Variants in NUP35 observed in about 807,000 individuals in gnomAD.
The protein encoded by NUP35 is nucleoporin NUP35.
Under a neutral mutation model 41.5 loss-of-function variants are expected in NUP35, and 25 were observed. That is an observed-to-expected ratio of 0.60 (90% CI 0.44 to 0.84). NUP35 has a LOEUF of 0.84. Among genes scored for constraint, NUP35 ranks in the 40% least tolerant of loss-of-function variants. The pLI, the probability that NUP35 is intolerant of heterozygous loss-of-function variation, is 0.00. For synonymous variants in NUP35, 149 were observed against 130.7 expected (o/e 1.14, Z -0.96); for missense variants, 396 against 396.6 (o/e 1.00, Z 0.01).
chr2:183,152,889 T>C (rs775498808), intron 5 of NUP35, among the ~76,000 whole-genome samples: 4 of 152,294 alleles, frequency 2.6e-5, no homozygotes, highest in Non-Finnish European at 4.4e-5. Flanking sequence ...AAGTATGATT[T>C]GCCATACTGT....
intron 4 of NUP35, among the ~76,000 whole-genome samples, chr2:183,143,672 C>A (rs1177403106): frequency 1.3e-5 from 2 of 152,058 alleles, no homozygotes; most frequent in African/African-American, 2.4e-5. Flanking sequence ...TATCTAGCTG[C>A]CTGGGATAAG....
chr2:183,139,321 C>G (rs1325915865), intron 4 of NUP35, among the ~76,000 whole-genome samples: 2 of 151,790 alleles, frequency 1.3e-5, no homozygotes, highest in Admixed American at 1.3e-4. Flanking sequence ...GTCCTCCCAC[C>G]TCGACCTCCC....
intron 2 of NUP35, among the ~76,000 whole-genome samples, chr2:183,129,270 A>G (rs1254550146): frequency 1.3e-5 from 2 of 152,190 alleles, no homozygotes; most frequent in East Asian, 3.8e-4. Context: ...AAGTATTGTA[A>G]ATGCAGCCTG....
chr2:183,130,780 G>A (rs1684670722), intron 3 of NUP35, among the ~76,000 whole-genome samples: 1 of 152,086 alleles, frequency 6.6e-6, no homozygotes, highest in African/African-American at 2.4e-5. Flanking sequence ...GTGTTTATAG[G>A]TATGCCTTAT....
chr2:183,157,617 T>A, intron 6 of NUP35, 104 bp downstream of exon 6: 2 of 757,078 alleles, frequency 2.6e-6, no homozygotes, highest in South Asian at 1.7e-5. Flanking sequence ...TAAACTTAAA[T>A]TTTTTTTTGA....
chr2:183,151,853 A>G (rs1450264205), intron 5 of NUP35, among the ~76,000 whole-genome samples: 1 of 152,182 alleles, frequency 6.6e-6, no homozygotes, highest in East Asian at 1.9e-4. Context: ...ACATTTCATA[A>G]TAAGTTGTAG....
chr2:183,155,579 C>CTTT lies in NUP35; in HGVS notation c.540-1853_540-1851dup, dbSNP rs11393018. The stretch of plus-strand genomic sequence containing the variant: ...ATTTTTATAGTCTCTCATAAAATGG[C>CTTT]TTTTTTTTTTTTTTGAGACAATCTC... On this transcript the variant is annotated intron_variant, in intron 5 of 8. Transcript: ENST00000295119. Among the ~76,000 whole-genome samples the CTTT allele has an allele frequency of 8.2e-3, 1,141 of 139,748 alleles. 26 individuals are homozygous for CTTT. Among genetic ancestry groups the CTTT allele is most frequent in the African/African-American group, 0.028 (1,044 of 37,852 alleles). 91.7% of individuals were successfully genotyped at this position (139,748 alleles called of 152,430 possible). A position where few individuals can be genotyped will look rare whatever the true frequency, so the allele number is the denominator to read the frequency against.
upstream of NUP35, chr2:183,123,817 G>T (rs1299717687): frequency 1.0e-6 from 1 of 985,228 alleles, no homozygotes; most frequent in Admixed American, 6.1e-5. Context: ...GCGGTGTGGA[G>T]GGTTCGTGGG....
intron 1 of NUP35, among the ~76,000 whole-genome samples, chr2:183,125,886 T>C (rs1382291643): frequency 6.6e-6 from 1 of 152,208 alleles, no homozygotes; most frequent in Non-Finnish European, 1.5e-5. Context: ...GAATATGAAA[T>C]GGAATTGAGG....
intron 4 of NUP35, among the ~76,000 whole-genome samples, chr2:183,136,020 C>T (rs936081333): frequency 2.0e-5 from 3 of 152,206 alleles, no homozygotes; most frequent in Non-Finnish European, 4.4e-5. Flanking sequence ...TTTGAATCCT[C>T]CAAGTCTGAA....
chr2:183,144,048 C>T (rs1275408682), intron 4 of NUP35, among the ~76,000 whole-genome samples: 1 of 152,184 alleles, frequency 6.6e-6, no homozygotes, highest in East Asian at 1.9e-4. Flanking sequence ...TGGTAGTTTA[C>T]TAGAAAGACT....
At chr2:183,138,269 ATT>A (rs147315571) in intron 4 of NUP35, among the ~76,000 whole-genome samples, 5,383 of 80,538 alleles carry the variant, frequency 0.067, 182 homozygotes, top group Middle Eastern at 0.1. Flanking sequence ...ATATATATAT[ATT>A]TTTTTTTTTT....
At chr2:183,152,156 ATGT>A (rs1685494003) in intron 5 of NUP35, among the ~76,000 whole-genome samples, 11 of 139,694 alleles carry the variant, frequency 7.9e-5, no homozygotes, top group Middle Eastern at 3.7e-3. Context: ...CACACACACA[ATGT>A]CACAGGGTTG....
At position 183,151,385 on chromosome 2, in the gene NUP35, G is replaced by A. The variant is rs140177176; in HGVS notation, c.398-123G>A. 5.5e-4 allele frequency: 429 copies of A among 780,474 alleles called. 2 individuals are homozygous for A. The African/African-American group carries it at 6.6e-3, about 12-fold the overall frequency. The allele number at this position is 780,474 out of a possible 1,614,324, so 48.3% of individuals were successfully genotyped here. A position where few individuals can be genotyped will look rare whatever the true frequency, so the allele number is the denominator to read the frequency against. ...AATTGCTATTTGACCACAGTTGTAT[G>A]TTTTGAACTGTTTATGTAATTGCCA... On this transcript the variant is annotated intron_variant, in intron 4 of 8. Transcript: ENST00000295119.
At position 183,151,664 on chromosome 2, in the gene NUP35, C is replaced by A; in HGVS notation, c.539+15C>A. On this transcript the variant is annotated intron_variant, in intron 5 of 8. Transcript: ENST00000295119. The stretch of plus-strand genomic sequence containing the variant: ...ACTGTATTTGGGTAAGGTTTGCAGA[C>A]CATTTGCCTTTTAAAAACCCCACCC... 6.3e-7 allele frequency: 1 copy of A among 1,597,782 alleles called. No individual in the cohort carries two copies. Among genetic ancestry groups the A allele is most frequent in the Non-Finnish European group, 8.5e-7 (1 of 1,174,580 alleles).
intron 4 of NUP35, among the ~76,000 whole-genome samples, chr2:183,138,269 A>ATATATATATTTTTT: frequency 7.1e-4 from 57 of 80,666 alleles, no homozygotes; most frequent in African/African-American, 3.3e-3. Flanking sequence ...ATATATATAT[A>ATATATATATTTTTT]TTTTTTTTTT....
chr2:183,147,710 G>C lies in NUP35; in HGVS notation c.398-3798G>C, dbSNP rs564848385. On this transcript the variant is annotated intron_variant, in intron 4 of 8. Coordinates refer to ENST00000295119, the MANE Select transcript of NUP35 (RefSeq NM_138285.5). Reference sequence around the variant, plus strand: ...TTTTAGAATAGTTTTTTATAATTCTGTGAAAAATGATGTTGGTTATTTGAT... The same window carrying C: ...TTTTAGAATAGTTTTTTATAATTCTCTGAAAAATGATGTTGGTTATTTGAT... Among the ~76,000 whole-genome samples, 10 of 152,216 alleles carry C rather than the reference G, an allele frequency of 6.6e-5. No homozygotes were observed. The East Asian group carries it at 1.5e-3, about 23-fold the overall frequency.
chr2:183,149,678 A>T (rs1685396707), intron 4 of NUP35, among the ~76,000 whole-genome samples: 1 of 152,216 alleles, frequency 6.6e-6, no homozygotes, highest in South Asian at 2.1e-4. Context: ...CCACACTTGT[A>T]GTACTGCCAC....
chr2:183,159,064 T>C (rs1182566745), intron 7 of NUP35, among the ~76,000 whole-genome samples: 1 of 152,152 alleles, frequency 6.6e-6, no homozygotes. Flanking sequence ...AAATCTGTTA[T>C]ATCAGTGTAG....
Sources: gnomAD v4.1 joint callset for allele counts (sites outside exome capture counted in the v4.1 genomes callset) on GRCh38, gnomAD v4.1.1 for gene constraint, MANE v1.5 for transcripts, NCBI Gene and HGNC (gene_info 2026-07-23, HGNC 2026-07-21) for gene names.